The following ADAM17 variants were observed in gnomAD, a reference collection of about 807,000 sequenced individuals.
ADAM17 encodes the protein disintegrin and metalloproteinase domain-containing protein 17.
A neutral mutation model predicts 96.7 loss-of-function variants in ADAM17; 39 were observed. The observed-to-expected ratio is 0.40, with a 90% CI of 0.31 to 0.53. The LOEUF (loss-of-function observed/expected upper bound fraction) is 0.53. Among genes scored for constraint, ADAM17 ranks in the 20% least tolerant of loss-of-function variants. The pLI, the probability that ADAM17 is intolerant of heterozygous loss-of-function variation, is 0.44. For synonymous variants in ADAM17, 344 were observed against 359.2 expected, an observed-to-expected ratio of 0.96 and a Z score of 0.48; for missense variants, 777 against 1,013.2, an observed-to-expected ratio of 0.77 and a Z score of 3.17.
chr2:9,515,735 C>CAA (rs56888068), intron 10 of ADAM17, among the ~76,000 whole-genome samples: 14 of 118,078 alleles, frequency 1.2e-4, no homozygotes, highest in African/African-American at 3.6e-4. Context: ...ACTCCGTCTC[C>CAA]AAAAAAAAAA....
Position 9,510,221 on chromosome 2 carries a change from C to CATAA in ADAM17, c.1192-91_1192-90insTTAT, listed in dbSNP as rs35431407. On this transcript the variant is annotated intron_variant, in intron 10 of 18. Transcript: ENST00000310823. ...GGGCCTATGCTGTCTTAAATAGAGCCTTATAATCAGATCAACAAGAGAATA... is the reference window on the plus strand; with the variant it reads ...GGGCCTATGCTGTCTTAAATAGAGCCATAATTATAATCAGATCAACAAGAGAATA... 637,168 of 1,369,494 alleles carry CATAA rather than the reference C, an allele frequency of 0.47. 157,327 individuals are homozygous for CATAA. Among genetic ancestry groups the CATAA allele is most frequent in the Middle Eastern group, 0.6 (3,281 of 5,458 alleles). 84.8% of individuals were successfully genotyped at this position (1,369,494 alleles called of 1,614,324 possible).
In ADAM17 at chr2:9,490,044, AG is replaced by A; in HGVS notation, c.*132del. 1 of 810,986 alleles carries A rather than the reference AG, an allele frequency of 1.2e-6. No individual in the cohort carries two copies. The highest frequency in any genetic ancestry group is 1.9e-6 in the Non-Finnish European group (1 of 531,864). 50.2% of individuals were successfully genotyped at this position (810,986 alleles called of 1,614,324 possible). A position where few individuals can be genotyped will look rare whatever the true frequency, so the allele number is the denominator to read the frequency against. On this transcript the variant is annotated 3_prime_UTR_variant, in exon 19 of 19. Coordinates refer to ENST00000310823, the MANE Select transcript of ADAM17 (RefSeq NM_003183.6). ...AACCACACAAGAACTGTTTACCTGCAGGAAGTTCAAACACATGACCAGCATC... is the reference window on the plus strand; with the variant it reads ...AACCACACAAGAACTGTTTACCTGCAGAAGTTCAAACACATGACCAGCATC...
At chr2:9,495,328 A>G (rs562514889) in intron 14 of ADAM17, among the ~76,000 whole-genome samples, 1 of 152,398 alleles carries the variant, frequency 6.6e-6, no homozygotes, top group East Asian at 1.9e-4. Flanking sequence ...CCATGTGGGC[A>G]TACATAAGAA....
intron 10 of ADAM17, 34 bp downstream of exon 10, chr2:9,517,867 C>CT (rs749035902): frequency 9.6e-6 from 14 of 1,456,362 alleles, no homozygotes; most frequent in African/African-American, 2.9e-5. Flanking sequence ...ACAATAAACT[C>CT]TAACACTATT....
At chr2:9,550,350 T>TGCAA (rs1386071310) in intron 1 of ADAM17, among the ~76,000 whole-genome samples, 1 of 151,688 alleles carries the variant, frequency 6.6e-6, no homozygotes, top group Non-Finnish European at 1.5e-5. Flanking sequence ...GTAACCAGGA[T>TGCAA]GCAAGTTTCA....
chr2:9,502,243 C>G lies in ADAM17; in HGVS notation c.1578G>C (p.Gln526His). The G allele has an allele frequency of 6.2e-7, 1 of 1,614,064 alleles. No homozygotes were observed. Among genetic ancestry groups the G allele is most frequent in the Non-Finnish European group, 8.5e-7 (1 of 1,180,024 alleles). Residue 526 changes from glutamine to histidine, a missense_variant, in exon 13 of 19, where the codon CAG becomes CAC. By Grantham distance (24) the Gln-to-His change is conservative. Transcript: ENST00000310823. ...DRNSPCCKNC[Q>H]FETAQKKCQE... ...GGCACTTCTTCTGGGCAGTCTCAAA[C>G]TGACAGTTTTTACAGCAAGGACTGT...
chr2:9,533,031 C>G (rs934567070), intron 4 of ADAM17, among the ~76,000 whole-genome samples: 1 of 150,636 alleles, frequency 6.6e-6, no homozygotes, highest in African/African-American at 2.4e-5. Flanking sequence ...TCTACTAAAA[C>G]TACAAAAATT....
intron 10 of ADAM17, among the ~76,000 whole-genome samples, chr2:9,511,562 A>G (rs540312259): frequency 6.6e-6 from 1 of 152,380 alleles, no homozygotes; most frequent in South Asian, 2.1e-4. Flanking sequence ...TTGGTTTATT[A>G]GAATCCAGTT....
In ADAM17 at chr2:9,554,745, C is replaced by T. The variant is rs181163039; in HGVS notation, c.97+764G>A. On this transcript the variant is annotated intron_variant, in intron 1 of 18. Coordinates refer to ENST00000310823, the MANE Select transcript of ADAM17 (RefSeq NM_003183.6). ...TTCAGATCCCTTAATGCATCTCCAT[C>T]CTTAAAATCCAATCTCTCTGGAAAA... 2.6e-5 allele frequency among the ~76,000 whole-genome samples: 4 copies of T among 152,296 alleles called. No homozygotes were observed. In the East Asian group the frequency reaches 5.8e-4, roughly 22 times the overall value.
intron 4 of ADAM17, among the ~76,000 whole-genome samples, chr2:9,534,189 T>G (rs1664863088): frequency 6.6e-6 from 1 of 152,084 alleles, no homozygotes; most frequent in South Asian, 2.1e-4. Flanking sequence ...GCCAACATGG[T>G]GAAACCCCGT....
chr2:9,497,489 A>C (rs986026901), intron 13 of ADAM17, among the ~76,000 whole-genome samples: 1 of 152,208 alleles, frequency 6.6e-6, no homozygotes, highest in Non-Finnish European at 1.5e-5. Context: ...GTTAGAATGC[A>C]TGGTCTCCAC....
In ADAM17 at chr2:9,494,576, A is replaced by C. The variant is rs1490162343; in HGVS notation, c.1914+61T>G. ...TTTGTTTTCATCTGCAAAATCAAGT[A>C]CTTACAAAATAAAAACTTCCTATCT... On this transcript the variant is annotated intron_variant, in intron 15 of 18. Transcript: ENST00000310823. 1.9e-6 allele frequency: 3 copies of C among 1,588,320 alleles called. No homozygotes were observed. In the African/African-American group the frequency reaches 4.1e-5, roughly 22 times the overall value.
rs1413004645 is a variant in ADAM17, at chr2:9,551,678, C to T, written c.97+3831G>A. Among the ~76,000 whole-genome samples the T allele has an allele frequency of 3.9e-5, 6 of 152,264 alleles. No homozygotes were observed. In the South Asian group the frequency reaches 1.2e-3, roughly 32 times the overall value. ...GTTTCACCATGTTAGCCAGGATGGT[C>T]TCGATCTCCTGACCTCGTGATCCAC... On this transcript the variant is annotated intron_variant, in intron 1 of 18. Coordinates refer to ENST00000310823, the MANE Select transcript of ADAM17 (RefSeq NM_003183.6).
At chr2:9,501,039 C>T (rs926193531) in intron 13 of ADAM17, among the ~76,000 whole-genome samples, 1 of 149,272 alleles carries the variant, frequency 6.7e-6, no homozygotes, top group Non-Finnish European at 1.5e-5. Context: ...GATTTCTGTT[C>T]TGAGAATGGC....
intron 1 of ADAM17, among the ~76,000 whole-genome samples, chr2:9,544,540 A>G (rs1212635890): frequency 6.6e-6 from 1 of 151,682 alleles, no homozygotes; most frequent in Non-Finnish European, 1.5e-5. Context: ...GGGGGAAAAA[A>G]GGCCGGGCTG....
chr2:9,500,999 C>A (rs1224999011), intron 13 of ADAM17, among the ~76,000 whole-genome samples: 1 of 152,116 alleles, frequency 6.6e-6, no homozygotes, highest in Non-Finnish European at 1.5e-5. Flanking sequence ...TACACACACA[C>A]AACAAAATGA....
chr2:9,505,120 T>C (rs752338344), intron 12 of ADAM17, 46 bp downstream of exon 12: 56 of 1,598,384 alleles, frequency 3.5e-5, no homozygotes, highest in Admixed American at 3.4e-4. Flanking sequence ...ATTTTGGACA[T>C]CTTGTTATAC....
chr2:9,507,939 T>C (rs1436467120), intron 11 of ADAM17, among the ~76,000 whole-genome samples: 2 of 152,164 alleles, frequency 1.3e-5, no homozygotes, highest in Non-Finnish European at 2.9e-5. Context: ...CCTGAACTCC[T>C]AGGCTCAAGT....
chr2:9,546,657 T>C (rs1205443148), intron 1 of ADAM17, among the ~76,000 whole-genome samples: 1 of 151,788 alleles, frequency 6.6e-6, no homozygotes, highest in Non-Finnish European at 1.5e-5. Flanking sequence ...TAGAGTTTAT[T>C]ACAGTTAATA....
Sources: gnomAD v4.1 joint callset for allele counts (sites outside exome capture counted in the v4.1 genomes callset) on GRCh38, gnomAD v4.1.1 for gene constraint, MANE v1.5 for transcripts, NCBI Gene and HGNC (gene_info 2026-07-23, HGNC 2026-07-21) for gene names.